The following ANKRD18A variants were observed in gnomAD, a reference collection of about 807,000 sequenced individuals.
ANKRD18A encodes ankyrin repeat domain 18A.
ANKRD18A carries 72 observed loss-of-function variants against 110.6 expected under a neutral mutation model. The observed-to-expected ratio is 0.65, with a 90% CI of 0.54 to 0.79. The LOEUF (loss-of-function observed/expected upper bound fraction) is 0.79. Ranked by LOEUF, ANKRD18A falls within the 30% of genes least tolerant of loss-of-function variation. The pLI is 0.00. For missense variants in ANKRD18A, 934 were observed against 1,163.3 expected (o/e 0.80, Z 2.87); for synonymous variants, 305 against 410.3 (o/e 0.74, Z 3.10).
At chr9:38,611,123 C>T (rs191411447) in intron 4 of ANKRD18A, 92 bp downstream of exon 4, 5 of 1,450,806 alleles carry the variant, frequency 3.4e-6, no homozygotes, top group East Asian at 5.1e-5. Context: ...TAAGTTTAAT[C>T]TTATTAACAT....
At chr9:38,610,726 T>A (rs1825580288) in intron 4 of ANKRD18A, among the ~76,000 whole-genome samples, 1 of 152,126 alleles carries the variant, frequency 6.6e-6, no homozygotes, top group Admixed American at 6.6e-5. Context: ...TGGGCAAAGA[T>A]TTAGGTGAAG....
intron 13 of ANKRD18A, among the ~76,000 whole-genome samples, chr9:38,577,647 T>A (rs566598025): frequency 6.6e-6 from 1 of 152,170 alleles, no homozygotes; most frequent in Non-Finnish European, 1.5e-5. Context: ...CCTTTTACTC[T>A]ATAGTGAGAA....
intron 11 of ANKRD18A, among the ~76,000 whole-genome samples, chr9:38,587,101 A>T (rs764130730): frequency 7.5e-4 from 115 of 152,344 alleles, no homozygotes; most frequent in Admixed American, 1.1e-3. Flanking sequence ...CAATGTAGAA[A>T]AAGAGAAGAA....
intron 15 of ANKRD18A, among the ~76,000 whole-genome samples, chr9:38,573,438 C>T (rs937358983): frequency 5.9e-5 from 9 of 152,038 alleles, no homozygotes; most frequent in Non-Finnish European, 8.8e-5. Context: ...AAACAATGGC[C>T]GGGCACAGCA....
Position 38,572,021 on chromosome 9 carries a change from A to G in ANKRD18A, c.*24T>C. On this transcript the variant is annotated 3_prime_UTR_variant, in exon 16 of 16. Coordinates refer to ENST00000399703, the MANE Select transcript of ANKRD18A (RefSeq NM_147195.4). Reference sequence around the variant, plus strand: ...TGTGGCTTACCAGTGGATTCTACAAAAGAAAGTAGACGGGAGCAAGTGCTC... The same window carrying G: ...TGTGGCTTACCAGTGGATTCTACAAGAGAAAGTAGACGGGAGCAAGTGCTC... 1 of 1,590,424 alleles carries G rather than the reference A, an allele frequency of 6.3e-7. No individual in the cohort carries two copies. The highest frequency in any genetic ancestry group is 1.2e-5 in the South Asian group (1 of 85,720).
intron 3 of ANKRD18A, among the ~76,000 whole-genome samples, chr9:38,612,997 C>T (rs1825701543): frequency 6.6e-6 from 1 of 151,724 alleles, no homozygotes; most frequent in Admixed American, 6.6e-5. Context: ...TTCTAAAATT[C>T]AACTCTATAA....
chr9:38,616,159 T>C, intron 1 of ANKRD18A, 115 bp from the exon 2 acceptor site: 4 of 808,814 alleles, frequency 4.9e-6, no homozygotes, highest in Non-Finnish European at 7.4e-6. Context: ...AAACAAATAA[T>C]TTTCTTTTGA....
At chr9:38,582,514 G>A (rs909104126) in intron 12 of ANKRD18A, among the ~76,000 whole-genome samples, 3 of 152,054 alleles carry the variant, frequency 2.0e-5, no homozygotes, top group Non-Finnish European at 4.4e-5. Context: ...CATAAACTAA[G>A]AATTGATAAC....
At chr9:38,569,048 G>C (rs1823545412), downstream of ANKRD18A, 1 of 985,256 alleles carries the variant, frequency 1.0e-6, no homozygotes, top group Non-Finnish European at 1.2e-6. Flanking sequence ...AGGGCAGCTG[G>C]CTGCATGCTG....
At chr9:38,604,959 A>G (rs1477752945) in intron 6 of ANKRD18A, 1 of 163,130 alleles carries the variant, frequency 6.1e-6, no homozygotes, top group African/African-American at 2.4e-5. Flanking sequence ...TCTGCCAAGC[A>G]TCATCCCTCT....
chr9:38,603,660 C>A (rs1468560056), intron 6 of ANKRD18A, among the ~76,000 whole-genome samples: 1 of 151,924 alleles, frequency 6.6e-6, no homozygotes, highest in Non-Finnish European at 1.5e-5. Flanking sequence ...GAGAGAGAGA[C>A]CACATGGCCT....
At chr9:38,617,157 G>C (rs1450878565) in intron 1 of ANKRD18A, among the ~76,000 whole-genome samples, 2 of 152,144 alleles carry the variant, frequency 1.3e-5, no homozygotes, top group African/African-American at 2.4e-5. Context: ...AAAATGGGAA[G>C]CTGGCCGGGC....
downstream of ANKRD18A, chr9:38,571,013 C>A (rs111650159): frequency 7.8e-3 from 9,518 of 1,222,324 alleles, 83 homozygotes; most frequent in South Asian, 0.034. Flanking sequence ...CCTAGAGACA[C>A]AGCACAGAGA....
At chr9:38,591,944 C>G (rs12115476) in intron 10 of ANKRD18A, among the ~76,000 whole-genome samples, 6,109 of 152,270 alleles carry the variant, frequency 0.04, 197 homozygotes, top group African/African-American at 0.093. Context: ...GAGTACTCTG[C>G]TGAGCGCTCG....
rs997787240 is a variant in ANKRD18A at position 38,600,121 on chromosome 9, C to T, written c.936+1010G>A. Among the ~76,000 whole-genome samples, 23 of 152,110 alleles carry T rather than the reference C, an allele frequency of 1.5e-4. 1 individual carries two copies. Among genetic ancestry groups the T allele is most frequent in the Non-Finnish European group, 3.2e-4 (22 of 68,014 alleles). On this transcript the variant is annotated intron_variant, in intron 8 of 15. Coordinates refer to ENST00000399703, the MANE Select transcript of ANKRD18A (RefSeq NM_147195.4). ...TAACTAAGAAGTAAAAATAATTTCC[C>T]TTGGCTTAATATAGGGGAAAAACGT... is the stretch of plus-strand genomic sequence containing the variant.
At chr9:38,580,160 C>A (rs956500651) in intron 12 of ANKRD18A, among the ~76,000 whole-genome samples, 1 of 152,200 alleles carries the variant, frequency 6.6e-6, no homozygotes, top group African/African-American at 2.4e-5. Context: ...TTTCCTAGCA[C>A]TTTGAAAGAC....
intron 10 of ANKRD18A, among the ~76,000 whole-genome samples, chr9:38,592,430 G>C (rs1204433031): frequency 6.6e-6 from 1 of 152,230 alleles, no homozygotes; most frequent in Non-Finnish European, 1.5e-5. Flanking sequence ...TGTAAGGTCA[G>C]TGAGAGAACA....
At chr9:38,603,121 C>T in intron 7 of ANKRD18A, 38 bp downstream of exon 7, 2 of 1,524,480 alleles carry the variant, frequency 1.3e-6, no homozygotes, top group Non-Finnish European at 1.8e-6. Flanking sequence ...CTCCCAGTCT[C>T]TTTACATGGT....
chr9:38,575,434 T>C, intron 15 of ANKRD18A, 42 bp downstream of exon 15: 3 of 1,492,814 alleles, frequency 2.0e-6, no homozygotes, highest in Non-Finnish European at 2.7e-6. Flanking sequence ...AGAATTATAT[T>C]AGAGAAATGA....
Sources: allele counts gnomAD v4.1 joint callset (sites outside exome capture counted in the v4.1 genomes callset), GRCh38; gene constraint gnomAD v4.1.1; transcripts MANE v1.5; gene names NCBI Gene and HGNC (gene_info 2026-07-23, HGNC 2026-07-21).